Variants in GPM6A observed in about 807,000 individuals in gnomAD.
GPM6A encodes the protein neuronal membrane glycoprotein M6-a.
GPM6A carries 7 observed loss-of-function variants against 32.1 expected under a neutral mutation model. The ratio of observed to expected loss-of-function variants is 0.22; its 90% CI spans 0.12 to 0.41. GPM6A has a LOEUF of 0.41. Ranked by LOEUF, GPM6A falls within the 10% of genes least tolerant of loss-of-function variation. GPM6A has a pLI of 1.00. For missense variants in GPM6A, 235 were observed against 347.2 expected (o/e 0.68, Z 2.57); for synonymous variants, 130 against 123.4 (o/e 1.05, Z -0.35).
intron 3 of GPM6A, among the ~76,000 whole-genome samples, chr4:175,654,582 T>C (rs1396580292): frequency 6.6e-6 from 1 of 152,144 alleles, no homozygotes; most frequent in Non-Finnish European, 1.5e-5. Context: ...AGGAATTAGA[T>C]TTCATTTCAT....
chr4:175,689,677 T>C (rs1744186690), intron 2 of GPM6A, among the ~76,000 whole-genome samples: 1 of 152,226 alleles, frequency 6.6e-6, no homozygotes, highest in Admixed American at 6.5e-5. Flanking sequence ...GTCTGGATAT[T>C]CTATCCATTC....
In GPM6A at chr4:175,647,676, G is replaced by A. The variant is rs563729070; in HGVS notation, c.541+4158C>T. Among the ~76,000 whole-genome samples, 5 of 152,146 alleles carry A rather than the reference G, an allele frequency of 3.3e-5. No individual in the cohort carries two copies. The East Asian group carries it at 9.7e-4, about 29-fold the overall frequency. ...ATAAAAGATAGCGTCTATATACTAAGGAGACAACTCTGCAACAAGGGAAAT... is the reference window on the plus strand; with the variant it reads ...ATAAAAGATAGCGTCTATATACTAAAGAGACAACTCTGCAACAAGGGAAAT... On this transcript the variant is annotated intron_variant, in intron 4 of 6. Transcript: ENST00000393658.
intron 1 of GPM6A, among the ~76,000 whole-genome samples, chr4:175,710,534 T>C (rs1745470189): frequency 6.6e-6 from 1 of 152,212 alleles, no homozygotes; most frequent in African/African-American, 2.4e-5. Flanking sequence ...TGTATATTTA[T>C]TGCATTATTG....
chr4:175,669,805 G>T (rs1742953303), intron 3 of GPM6A, among the ~76,000 whole-genome samples: 1 of 152,042 alleles, frequency 6.6e-6, no homozygotes, highest in African/African-American at 2.4e-5. Context: ...CACTAGGGTG[G>T]GCTCTATTCC....
At chr4:175,727,625 G>T (rs1165226180) in intron 1 of GPM6A, among the ~76,000 whole-genome samples, 1 of 152,120 alleles carries the variant, frequency 6.6e-6, no homozygotes, top group African/African-American at 2.4e-5. Flanking sequence ...TAACTGATTA[G>T]AAAACTCATC....
intron 1 of GPM6A, among the ~76,000 whole-genome samples, chr4:175,752,402 C>G (rs1732371073): frequency 6.6e-6 from 1 of 152,062 alleles, no homozygotes; most frequent in Non-Finnish European, 1.5e-5. Context: ...GAGCCTTTTT[C>G]CGTGCTGTCC....
At chr4:176,000,634 T>A (rs577558991) in intron 1 of GPM6A, among the ~76,000 whole-genome samples, 26 of 152,358 alleles carry the variant, frequency 1.7e-4, no homozygotes, top group African/African-American at 6.0e-4. Context: ...ATGCTTTTAA[T>A]ACAGCTAATG....
At chr4:175,968,693 G>A (rs553611581) in intron 1 of GPM6A, among the ~76,000 whole-genome samples, 3 of 152,224 alleles carry the variant, frequency 2.0e-5, no homozygotes, top group African/African-American at 7.2e-5. Flanking sequence ...CACATCATAT[G>A]TCATTTAAAC....
intron 1 of GPM6A, among the ~76,000 whole-genome samples, chr4:175,904,425 C>A (rs548385313): frequency 1.1e-4 from 16 of 152,126 alleles, no homozygotes; most frequent in Non-Finnish European, 2.1e-4. Context: ...TGTCTACATA[C>A]ATATGTATAC....
intron 1 of GPM6A, chr4:175,807,301 T>C (rs1427907600): frequency 6.6e-6 from 1 of 152,220 alleles, no homozygotes; most frequent in Non-Finnish European, 1.5e-5. Flanking sequence ...GGTGTCAAAG[T>C]TGAAATTTAA....
chr4:175,740,227 G>A (rs1179523438), intron 1 of GPM6A, among the ~76,000 whole-genome samples: 2 of 151,932 alleles, frequency 1.3e-5, no homozygotes, highest in Non-Finnish European at 2.9e-5. Context: ...TATAGAAATT[G>A]TATTAAAATT....
intron 3 of GPM6A, among the ~76,000 whole-genome samples, chr4:175,661,110 G>A (rs542654065): frequency 3.3e-5 from 5 of 152,222 alleles, no homozygotes; most frequent in African/African-American, 9.6e-5. Flanking sequence ...ACACTAGAAT[G>A]TTATCTTTCT....
At chr4:175,745,006 C>T (rs13145486) in intron 1 of GPM6A, among the ~76,000 whole-genome samples, 39,745 of 151,966 alleles carry the variant, frequency 0.26, 5,620 homozygotes, top group Non-Finnish European at 0.32. Flanking sequence ...TTTTCATTAT[C>T]CCTTTTCTCT....
At chr4:175,836,710 C>CA (rs33941974) in intron 1 of GPM6A, among the ~76,000 whole-genome samples, 20,496 of 149,036 alleles carry the variant, frequency 0.14, 1,703 homozygotes, top group Middle Eastern at 0.24. Context: ...ACAGCTTGAG[C>CA]AAAAAAAAAA....
Position 175,970,291 on chromosome 4 carries a change from G to C in GPM6A, c.-23+32018C>G, listed in dbSNP as rs547678423. On this transcript the variant is annotated intron_variant, in intron 1 of 7. Coordinates refer to the GPM6A transcript ENST00000280187. The stretch of plus-strand genomic sequence containing the variant: ...GAAGGAAACTGAGGGTTGAAGGTCA[G>C]ACTCTCATTGCAGCAAACACATGAA... Among the ~76,000 whole-genome samples the C allele has an allele frequency of 2.0e-5, 3 of 152,278 alleles. No homozygotes were observed. In the East Asian group the frequency reaches 5.8e-4, roughly 29 times the overall value.
intron 1 of GPM6A, among the ~76,000 whole-genome samples, chr4:175,722,943 G>C (rs549860291): frequency 6.6e-6 from 1 of 151,968 alleles, no homozygotes; most frequent in South Asian, 2.1e-4. Flanking sequence ...CAGCAGCTCA[G>C]AAAGCTCAAG....
intron 1 of GPM6A, among the ~76,000 whole-genome samples, chr4:175,806,356 T>C (rs912524339): frequency 1.3e-5 from 2 of 152,256 alleles, no homozygotes; most frequent in African/African-American, 4.8e-5. Flanking sequence ...TCTTTAAATA[T>C]TTAAACTTTA....
chr4:175,937,655 T>C (rs1739283187), intron 1 of GPM6A, among the ~76,000 whole-genome samples: 1 of 152,090 alleles, frequency 6.6e-6, no homozygotes, highest in Admixed American at 6.6e-5. Context: ...GAGAGTACAA[T>C]GGGAGAGGTG....
chr4:175,761,969 T>A (rs1358761607), intron 1 of GPM6A, among the ~76,000 whole-genome samples: 1 of 152,138 alleles, frequency 6.6e-6, no homozygotes, highest in Non-Finnish European at 1.5e-5. Flanking sequence ...TAATTTTGTA[T>A]TTTTAGTAGA....
Sources: gnomAD v4.1 joint callset for allele counts (sites outside exome capture counted in the v4.1 genomes callset) on GRCh38, gnomAD v4.1.1 for gene constraint, MANE v1.5 for transcripts, NCBI Gene and HGNC (gene_info 2026-07-23, HGNC 2026-07-21) for gene names.